The following UGT1A10 variants were observed in gnomAD, a reference collection of about 807,000 sequenced individuals.
UGT1A10 encodes UDP-glucuronosyltransferase 1A10.
UGT1A10 carries 49 observed loss-of-function variants against 45.8 expected under a neutral mutation model. The ratio of observed to expected loss-of-function variants is 1.07; its 90% CI spans 0.85 to 1.36. The LOEUF (loss-of-function observed/expected upper bound fraction) is 1.36. Among genes scored for constraint, UGT1A10 ranks in the 40% most tolerant of loss-of-function variants. The pLI, the probability that UGT1A10 is intolerant of heterozygous loss-of-function variation, is 0.00. For missense variants in UGT1A10, 745 were observed against 668.6 expected, an observed-to-expected ratio of 1.11 and a Z score of -1.26; for synonymous variants, 284 against 249.7, an observed-to-expected ratio of 1.14 and a Z score of -1.29.
In UGT1A10 at chr2:233,747,595, G is replaced by C. The variant is rs188498977; in HGVS notation, c.856-19439G>C. The C allele has an allele frequency of 1.4e-3, 2,167 of 1,576,574 alleles. 6 individuals are homozygous for C. Among genetic ancestry groups the C allele is most frequent in the Non-Finnish European group, 1.7e-3 (1,986 of 1,146,462 alleles). On this transcript the variant is annotated intron_variant, in intron 1 of 4. Transcript: ENST00000344644. ...TCATCTTTGGTCTTTCATAGGTCTT[G>C]TGTGGAGCTACTGCATAATGAGGCC...
At chr2:233,734,641 G>A (rs777455810) in intron 1 of UGT1A10, among the ~76,000 whole-genome samples, 2 of 152,096 alleles carry the variant, frequency 1.3e-5, no homozygotes, top group Non-Finnish European at 2.9e-5. Flanking sequence ...GCTTTCTCCT[G>A]TGGGGATTTA....
Position 233,671,206 on chromosome 2 carries a change from G to A in UGT1A10, c.855+33829G>A, listed in dbSNP as rs954000101. 2.0e-5 allele frequency among the ~76,000 whole-genome samples: 3 copies of A among 152,310 alleles called. No individual in the cohort carries two copies. The East Asian group carries it at 5.8e-4, about 29-fold the overall frequency. On this transcript the variant is annotated intron_variant, in intron 1 of 4. Coordinates refer to ENST00000344644, the MANE Select transcript of UGT1A10 (RefSeq NM_019075.4). ...TGTGCAAGTTGAGCGGTCACTGAGA[G>A]GCAGCTCAGCAGAGTGCTCTCGCAA... is the stretch of plus-strand genomic sequence containing the variant.
chr2:233,695,366 C>T (rs184636578), intron 1 of UGT1A10, among the ~76,000 whole-genome samples: 240 of 151,850 alleles, frequency 1.6e-3, no homozygotes, highest in African/African-American at 4.6e-3. Flanking sequence ...CCTCGTGGTC[C>T]GCCCACCCCA....
At chr2:233,683,675 C>A (rs2074645965) in intron 1 of UGT1A10, among the ~76,000 whole-genome samples, 1 of 152,072 alleles carries the variant, frequency 6.6e-6, no homozygotes, top group Admixed American at 6.5e-5. Flanking sequence ...TTCTTATTAA[C>A]CTTTATTCCT....
intron 1 of UGT1A10, chr2:233,713,821 G>C: frequency 1.2e-6 from 2 of 1,614,060 alleles, no homozygotes; most frequent in Non-Finnish European, 1.7e-6. Flanking sequence ...GTCTTCATTG[G>C]GGGCATCAAC....
chr2:233,744,980 G>A (rs1692979759), intron 1 of UGT1A10, among the ~76,000 whole-genome samples: 1 of 151,830 alleles, frequency 6.6e-6, no homozygotes, highest in Non-Finnish European at 1.5e-5. Context: ...TAAGCCTCTA[G>A]TCATCTCTTG....
rs115940468 is a variant in UGT1A10, at chr2:233,693,384, A to G, written c.855+56007A>G. 36 of 1,614,214 alleles carry G rather than the reference A, an allele frequency of 2.2e-5. 1 individual carries two copies. The East Asian group carries it at 8.0e-4, about 36-fold the overall frequency. ...ATTGGCCTGTACTTCATCAACTGCC[A>G]GAGCCTCCTGCAGGACAGGGACACC... is the stretch of plus-strand genomic sequence containing the variant. On this transcript the variant is annotated intron_variant, in intron 1 of 4. Transcript: ENST00000344644.
intron 1 of UGT1A10, among the ~76,000 whole-genome samples, chr2:233,765,914 G>T (rs914131735): frequency 6.6e-6 from 1 of 152,098 alleles, no homozygotes; most frequent in Admixed American, 6.5e-5. Flanking sequence ...CTCTAGGGGA[G>T]CATACAGACG....
At chr2:233,647,933 T>C (rs549789089) in intron 1 of UGT1A10, 94 of 1,604,578 alleles carry the variant, frequency 5.9e-5, no homozygotes, top group Middle Eastern at 4.2e-4. Context: ...TCACTGCCCA[T>C]GGATGGGAGC....
At chr2:233,733,349 A>G (rs2078383878) in intron 1 of UGT1A10, among the ~76,000 whole-genome samples, 1 of 152,106 alleles carries the variant, frequency 6.6e-6, no homozygotes, top group South Asian at 2.1e-4. Flanking sequence ...CAGTATGTTG[A>G]GTAGGAGTGG....
intron 1 of UGT1A10, among the ~76,000 whole-genome samples, chr2:233,764,774 A>C (rs1698642300): frequency 6.6e-6 from 1 of 152,202 alleles, no homozygotes; most frequent in African/African-American, 2.4e-5. Context: ...GAAGGAGTTC[A>C]GAAAAACCAT....
At chr2:233,748,132 A>G (rs1234093790) in intron 1 of UGT1A10, 8 of 1,610,034 alleles carry the variant, frequency 5.0e-6, no homozygotes, top group Non-Finnish European at 6.8e-6. Context: ...CAGTTTTTAA[A>G]AATTGTATTT....
chr2:233,762,650 A>G (rs1191446046), intron 1 of UGT1A10, among the ~76,000 whole-genome samples: 5 of 151,336 alleles, frequency 3.3e-5, no homozygotes, highest in Admixed American at 2.6e-4. Context: ...AAGATAAGCT[A>G]TTTTGTAGTT....
At chr2:233,751,090 G>C (rs1035981747) in intron 1 of UGT1A10, among the ~76,000 whole-genome samples, 2 of 151,962 alleles carry the variant, frequency 1.3e-5, no homozygotes, top group African/African-American at 2.4e-5. Context: ...GCAGCCAGGA[G>C]GAGGGCTTTG....
intron 1 of UGT1A10, among the ~76,000 whole-genome samples, chr2:233,724,108 C>G (rs1455095780): frequency 1.8e-5 from 1 of 55,862 alleles, no homozygotes. Flanking sequence ...TAGGGGCGGC[C>G]GGGCAGAGGC....
intron 1 of UGT1A10, chr2:233,760,371 G>C (rs995864584): frequency 6.2e-7 from 1 of 1,614,040 alleles, no homozygotes. Flanking sequence ...CCCATGCTGG[G>C]AAGATACTGT....
chr2:233,655,109 G>A (rs2073828645), intron 1 of UGT1A10, among the ~76,000 whole-genome samples: 1 of 151,724 alleles, frequency 6.6e-6, no homozygotes, highest in Non-Finnish European at 1.5e-5. Context: ...AAGAAAGAAA[G>A]AAAAAGTAAA....
rs28970018 is a variant in UGT1A10, at chr2:233,680,395, G to A, written c.855+43018G>A. On this transcript the variant is annotated intron_variant, in intron 1 of 4. Transcript: ENST00000344644. ...CTTTAGCTCCCTGCAATAGCAACAG[G>A]AGGTAGCAACAAAATTATTATAGTA... Among the ~76,000 whole-genome samples, 1,472 of 152,290 alleles carry A rather than the reference G, an allele frequency of 9.7e-3. 35 individuals carry two copies. Among genetic ancestry groups the A allele is most frequent in the African/African-American group, 0.033 (1,380 of 41,552 alleles).
At chr2:233,742,766 G>T (rs1363291568) in intron 1 of UGT1A10, 4 of 152,980 alleles carry the variant, frequency 2.6e-5, no homozygotes, top group African/African-American at 9.7e-5. Context: ...GATAATAAAT[G>T]CATGTTGTTT....
Sources: allele counts gnomAD v4.1 joint callset (sites outside exome capture counted in the v4.1 genomes callset), GRCh38; gene constraint gnomAD v4.1.1; transcripts MANE v1.5; gene names NCBI Gene and HGNC (gene_info 2026-07-23, HGNC 2026-07-21).